ESRRG: variants seen among roughly 807,000 people sequenced by gnomAD.
ESRRG encodes estrogen related receptor gamma.
Under a neutral mutation model 44.0 loss-of-function variants are expected in ESRRG, and 13 were observed. That is an observed-to-expected ratio of 0.30 (90% CI 0.19 to 0.47). ESRRG has a LOEUF of 0.47. ESRRG is among the 20% of genes least tolerant of loss of function. The probability of loss-of-function intolerance (pLI) is 1.00; values close to 1 mark genes in which losing one functional copy is unlikely to be tolerated. For synonymous variants in ESRRG, 215 were observed against 214.6 expected (o/e 1.00, Z -0.02); for missense variants, 395 against 580.6 (o/e 0.68, Z 3.29).
chr1:216,834,569 A>C (rs2095534784), intron 2 of ESRRG, among the ~76,000 whole-genome samples: 1 of 152,302 alleles, frequency 6.6e-6, no homozygotes, highest in Non-Finnish European at 1.5e-5. Context: ...TAACAAAATC[A>C]CAGTCAGGAG....
chr1:216,713,398 T>G (rs1478666120), intron 1 of ESRRG, among the ~76,000 whole-genome samples: 3 of 151,858 alleles, frequency 2.0e-5, no homozygotes, highest in African/African-American at 4.8e-5. Context: ...CTGTAGGAGT[T>G]TGCTCGTTCA....
chr1:216,831,485 G>T (rs185561870), intron 2 of ESRRG, among the ~76,000 whole-genome samples: 4 of 150,202 alleles, frequency 2.7e-5, no homozygotes, highest in Non-Finnish European at 4.4e-5. Flanking sequence ...TCAACGGGGG[G>T]AGGAAAGAGG....
At chr1:216,653,780 GT>G (rs1242101719) in intron 2 of ESRRG, among the ~76,000 whole-genome samples, 1 of 152,016 alleles carries the variant, frequency 6.6e-6, no homozygotes, top group African/African-American at 2.4e-5. Flanking sequence ...CCATTGGATG[GT>G]AAGACACTAG....
intron 2 of ESRRG, among the ~76,000 whole-genome samples, chr1:216,906,205 T>C (rs1254633569): frequency 1.3e-5 from 2 of 151,998 alleles, no homozygotes; most frequent in Non-Finnish European, 2.9e-5. Flanking sequence ...CCCTTATATA[T>C]CCCCTCCATT....
chr1:216,877,562 C>A (rs2096377337), intron 2 of ESRRG, among the ~76,000 whole-genome samples: 1 of 151,852 alleles, frequency 6.6e-6, no homozygotes, highest in Non-Finnish European at 1.5e-5. Flanking sequence ...CACCACCATA[C>A]CTGGCTAATT....
At chr1:216,775,889 A>G (rs1199095785) in intron 2 of ESRRG, among the ~76,000 whole-genome samples, 7 of 151,264 alleles carry the variant, frequency 4.6e-5, no homozygotes, top group Non-Finnish European at 1.5e-5. Flanking sequence ...TATCACCCCC[A>G]ATTTATCACT....
chr1:216,641,258 T>G (rs1457888435), intron 3 of ESRRG, among the ~76,000 whole-genome samples: 2 of 152,212 alleles, frequency 1.3e-5, no homozygotes, highest in African/African-American at 4.8e-5. Flanking sequence ...TTAGTTCACA[T>G]CAAAGATTCT....
At chr1:216,568,733 G>A (rs2060135606) in intron 3 of ESRRG, among the ~76,000 whole-genome samples, 1 of 152,126 alleles carries the variant, frequency 6.6e-6, no homozygotes, top group African/African-American at 2.4e-5. Context: ...ACTGAGAGCA[G>A]GTTTGGGCTG....
Position 217,112,584 on chromosome 1 carries a change from A to G in ESRRG, c.-230+25083T>C, listed in dbSNP as rs2092672917. ...TTGAAAGTGCTTTTTGTAGTTGCCT[A>G]TAATAAATTCAGGAAGAGAGGGATG... On this transcript the variant is annotated intron_variant, in intron 1 of 8. Transcript: ENST00000366940. 1.3e-5 allele frequency among the ~76,000 whole-genome samples: 2 copies of G among 152,230 alleles called. 1 individual carries two copies.
intron 3 of ESRRG, among the ~76,000 whole-genome samples, chr1:216,639,745 G>A (rs61817034): frequency 6.2e-4 from 94 of 152,198 alleles, no homozygotes; most frequent in Non-Finnish European, 9.6e-4. Context: ...ATAGGAAAGG[G>A]ATTTTGATCC....
At chr1:216,949,271 T>G (rs1464072620) in intron 1 of ESRRG, among the ~76,000 whole-genome samples, 1 of 152,204 alleles carries the variant, frequency 6.6e-6, no homozygotes, top group African/African-American at 2.4e-5. Context: ...GGCCACTATC[T>G]GCAAACATGC....
At chr1:217,022,514 T>C (rs768866888) in intron 1 of ESRRG, among the ~76,000 whole-genome samples, 7 of 152,156 alleles carry the variant, frequency 4.6e-5, no homozygotes, top group African/African-American at 1.7e-4. Flanking sequence ...AATTTACTGA[T>C]GGTCACTTTT....
intron 2 of ESRRG, among the ~76,000 whole-genome samples, chr1:216,779,747 A>T (rs2093853855): frequency 6.7e-6 from 1 of 149,400 alleles, no homozygotes; most frequent in African/African-American, 2.5e-5. Flanking sequence ...TATCTTTGGG[A>T]TCACAAAAGG....
intron 5 of ESRRG, among the ~76,000 whole-genome samples, chr1:216,543,414 T>C (rs1345033538): frequency 2.0e-5 from 3 of 152,034 alleles, no homozygotes; most frequent in Non-Finnish European, 2.9e-5. Context: ...CTGACAGCTC[T>C]TGATGAGTAA....
At chr1:216,903,324 G>A (rs1577923882) in intron 2 of ESRRG, among the ~76,000 whole-genome samples, 2 of 152,160 alleles carry the variant, frequency 1.3e-5, no homozygotes, top group Admixed American at 6.6e-5. Flanking sequence ...GTAGCACCGG[G>A]CCAAGATCTT....
chr1:216,574,660 T>G (rs1314138767), intron 3 of ESRRG, among the ~76,000 whole-genome samples: 2 of 152,136 alleles, frequency 1.3e-5, no homozygotes, highest in Admixed American at 6.6e-5. Flanking sequence ...TTAATTTATC[T>G]AGACCCATGG....
intron 2 of ESRRG, among the ~76,000 whole-genome samples, chr1:216,728,443 C>T (rs1369409981): frequency 1.3e-5 from 2 of 151,654 alleles, no homozygotes; most frequent in South Asian, 2.1e-4. Flanking sequence ...AAATTGTTGA[C>T]TCAATCATGT....
intron 1 of ESRRG, chr1:216,681,941 T>C (rs1220349195): frequency 4.6e-5 from 7 of 152,204 alleles, no homozygotes; most frequent in Non-Finnish European, 2.9e-5. Context: ...GGAGTTTGAA[T>C]TCCCACATGC....
intron 5 of ESRRG, among the ~76,000 whole-genome samples, chr1:216,521,373 A>C (rs1359371458): frequency 6.6e-6 from 1 of 152,142 alleles, no homozygotes. Context: ...CCCTCCAAGG[A>C]AAAAAGGTGC....
Sources: allele counts gnomAD v4.1 joint callset (sites outside exome capture counted in the v4.1 genomes callset), GRCh38; gene constraint gnomAD v4.1.1; transcripts MANE v1.5; gene names NCBI Gene and HGNC (gene_info 2026-07-23, HGNC 2026-07-21).